Variants in PKHD1 observed in about 807,000 individuals in gnomAD.
The protein encoded by PKHD1 is fibrocystin.
Under a neutral mutation model 412.0 loss-of-function variants are expected in PKHD1, and 291 were observed. The observed-to-expected ratio is 0.71, with a 90% confidence interval of 0.64 to 0.78. The LOEUF is 0.78. Among genes scored for constraint, PKHD1 ranks in the 30% least tolerant of loss-of-function variants. The pLI is 0.00. For missense variants in PKHD1, 4,825 were observed against 4,950.7 expected (o/e 0.97, Z 0.76); for synonymous variants, 1,777 against 1,821.5 (o/e 0.98, Z 0.62).
intron 52 of PKHD1, among the ~76,000 whole-genome samples, chr6:51,803,527 G>A (rs1387204365): frequency 6.6e-6 from 1 of 151,436 alleles, no homozygotes; most frequent in Non-Finnish European, 1.5e-5. Context: ...TTTAATCCAA[G>A]ATGACTAGAA....
intron 5 of PKHD1, among the ~76,000 whole-genome samples, chr6:52,077,003 G>A (rs1423431284): frequency 1.3e-5 from 2 of 152,132 alleles, no homozygotes; most frequent in African/African-American, 4.8e-5. Context: ...AAAGCCTGGC[G>A]GTAGCATTCC....
At chr6:51,634,062 TA>T (rs1003480277) in intron 64 of PKHD1, among the ~76,000 whole-genome samples, 3,057 of 145,674 alleles carry the variant, frequency 0.021, 38 homozygotes, top group Non-Finnish European at 0.028. Flanking sequence ...CAGGTTTATT[TA>T]AAAAAAAAAA....
At chr6:52,017,064 C>T (rs1013509988) in intron 34 of PKHD1, among the ~76,000 whole-genome samples, 4 of 152,098 alleles carry the variant, frequency 2.6e-5, no homozygotes, top group Admixed American at 6.5e-5. Flanking sequence ...AAAAGGAAAG[C>T]GGGGAAAAAG....
chr6:51,720,937 G>T, intron 60 of PKHD1: 1 of 962,100 alleles, frequency 1.0e-6, no homozygotes, highest in Non-Finnish European at 1.2e-6. Flanking sequence ...GTTAATAAAT[G>T]AGTAAATGTC....
intron 63 of PKHD1, among the ~76,000 whole-genome samples, chr6:51,639,815 T>C (rs1253845443): frequency 6.6e-6 from 1 of 152,200 alleles, no homozygotes; most frequent in Non-Finnish European, 1.5e-5. Flanking sequence ...GGTCTGAAAG[T>C]TTATAGATTG....
intron 60 of PKHD1, among the ~76,000 whole-genome samples, chr6:51,709,240 G>C (rs1313080737): frequency 6.6e-6 from 1 of 152,146 alleles, no homozygotes; most frequent in Non-Finnish European, 1.5e-5. Flanking sequence ...GTACCTGGTA[G>C]AGTCTCAGTA....
At chr6:51,636,064 C>A (rs1399618388) in intron 64 of PKHD1, among the ~76,000 whole-genome samples, 1 of 152,126 alleles carries the variant, frequency 6.6e-6, no homozygotes, top group Non-Finnish European at 1.5e-5. Flanking sequence ...AAACCCTTAT[C>A]TCTTGACAGT....
At chr6:51,756,154 C>T (rs1562242116) in intron 55 of PKHD1, among the ~76,000 whole-genome samples, 1 of 151,912 alleles carries the variant, frequency 6.6e-6, no homozygotes, top group Non-Finnish European at 1.5e-5. Context: ...ATAGAGAAGA[C>T]AAAAAAACTA....
rs1315323366 is a variant in PKHD1, at chr6:51,660,618, G to A, written c.10157-649C>T. Among the ~76,000 whole-genome samples, 7 of 152,100 alleles carry A rather than the reference G, an allele frequency of 4.6e-5. No individual in the cohort carries two copies. The East Asian group carries it at 7.7e-4, about 17-fold the overall frequency. ...TGAATTCAATTAACTCGCTAGAGAG[G>A]CTTACAAAACTCAGGGAAACATTTA... On this transcript the variant is annotated intron_variant, in intron 60 of 66. Coordinates refer to ENST00000371117, the MANE Select transcript of PKHD1 (RefSeq NM_138694.4).
At position 51,915,690 on chromosome 6, in the gene PKHD1, C is replaced by A. The variant is rs554707187; in HGVS notation, c.6122-3114G>T. Among the ~76,000 whole-genome samples, 7 of 152,006 alleles carry A rather than the reference C, an allele frequency of 4.6e-5. No homozygotes were observed. In the East Asian group the frequency reaches 1.4e-3, roughly 30 times the overall value. On this transcript the variant is annotated intron_variant, in intron 37 of 66. Transcript: ENST00000371117. ...TAAATGAAAGCCCACACCCTCAAAC[C>A]CATGTGTTCAGTACTCTCATGGCAG...
At chr6:51,854,188 T>C (rs190874809) in intron 49 of PKHD1, among the ~76,000 whole-genome samples, 1 of 152,032 alleles carries the variant, frequency 6.6e-6, no homozygotes, top group Non-Finnish European at 1.5e-5. Context: ...GTCCCTCTTC[T>C]GTTGGGCTGC....
At chr6:51,899,815 A>G (rs944589072) in intron 43 of PKHD1, among the ~76,000 whole-genome samples, 8 of 152,234 alleles carry the variant, frequency 5.3e-5, no homozygotes, top group Non-Finnish European at 8.8e-5. Context: ...CAACTTCAGC[A>G]AAGTCTCAGG....
Position 51,748,510 on chromosome 6 carries a change from C to A in PKHD1, c.9106G>T (p.Val3036Leu), listed in dbSNP as rs141912421. 3.7e-6 allele frequency: 6 copies of A among 1,613,774 alleles called. No individual in the cohort carries two copies. The African/African-American group carries it at 8.0e-5, about 22-fold the overall frequency. ...GGIHAAASHGVLLNDNIVFGT... is the reference protein window; with the variant it reads ...GGIHAAASHGLLLNDNIVFGT... ...AACACAATATTGTCATTTAAAAGTA[C>A]TCCATGACTGGCAGCTGCATGAATG... Residue 3036 changes from valine (V) to leucine (L), a missense_variant, in exon 58 of 67, where the codon GTA (valine) becomes TTA (leucine). Transcript: ENST00000371117.
chr6:51,668,607 C>A (rs1398367364), intron 60 of PKHD1, among the ~76,000 whole-genome samples: 1 of 151,978 alleles, frequency 6.6e-6, no homozygotes, highest in Non-Finnish European at 1.5e-5. Context: ...TGAGAGAGGG[C>A]ATCCCTGTCT....
intron 44 of PKHD1, 24 bp from the exon 45 acceptor site, chr6:51,885,996 T>G (rs899918334): frequency 7.6e-7 from 1 of 1,320,884 alleles, no homozygotes; most frequent in Admixed American, 1.7e-5. Context: ...CAGAATGAAA[T>G]TAAGCCAATT....
intron 52 of PKHD1, among the ~76,000 whole-genome samples, chr6:51,823,292 G>A (rs963684214): frequency 6.6e-6 from 1 of 152,026 alleles, no homozygotes; most frequent in Non-Finnish European, 1.5e-5. Context: ...TAAAACCCGA[G>A]TCTCTTATAT....
intron 37 of PKHD1, among the ~76,000 whole-genome samples, chr6:51,916,631 G>A (rs1053867112): frequency 3.3e-5 from 5 of 152,034 alleles, no homozygotes; most frequent in African/African-American, 7.2e-5. Flanking sequence ...TTATTTAAAT[G>A]TCATACAAGG....
At chr6:51,861,887 C>G (rs1339458964) in intron 48 of PKHD1, among the ~76,000 whole-genome samples, 1 of 152,154 alleles carries the variant, frequency 6.6e-6, no homozygotes, top group East Asian at 1.9e-4. Context: ...TGTCCATTAT[C>G]CTACTTTAGG....
intron 63 of PKHD1, among the ~76,000 whole-genome samples, chr6:51,644,070 T>C (rs1176914494): frequency 2.6e-5 from 4 of 152,192 alleles, no homozygotes; most frequent in Non-Finnish European, 4.4e-5. Context: ...TTTGAAGCTA[T>C]GAACTGTTTA....
Sources: allele counts gnomAD v4.1 joint callset (sites outside exome capture counted in the v4.1 genomes callset), GRCh38; gene constraint gnomAD v4.1.1; transcripts MANE v1.5; gene names NCBI Gene and HGNC (gene_info 2026-07-23, HGNC 2026-07-21).